The following RIMS2 variants were observed in gnomAD, a reference collection of about 807,000 sequenced individuals.
RIMS2 encodes regulating synaptic membrane exocytosis protein 2.
RIMS2 carries 59 observed loss-of-function variants against 174.4 expected under a neutral mutation model. That is an observed-to-expected ratio of 0.34 (90% CI 0.27 to 0.42). The LOEUF is 0.42. Ranked by LOEUF, RIMS2 falls within the 10% of genes least tolerant of loss-of-function variation. The pLI, the probability that RIMS2 is intolerant of heterozygous loss-of-function variation, is 1.00. For missense variants in RIMS2, 1,620 were observed against 1,666.3 expected, an observed-to-expected ratio of 0.97 and a Z score of 0.48; for synonymous variants, 606 against 572.5, an observed-to-expected ratio of 1.06 and a Z score of -0.84.
chr8:103,602,383 C>T (rs1201886199), intron 1 of RIMS2, among the ~76,000 whole-genome samples: 1 of 151,994 alleles, frequency 6.6e-6, no homozygotes, highest in Non-Finnish European at 1.5e-5. Flanking sequence ...GTTTGTTGTA[C>T]AGATTATTTC....
chr8:103,762,524 C>A (rs570498279), intron 2 of RIMS2, among the ~76,000 whole-genome samples: 3 of 152,278 alleles, frequency 2.0e-5, no homozygotes, highest in Admixed American at 1.3e-4. Context: ...AGCTATTAAT[C>A]ATTTCATAGT....
intron 1 of RIMS2, among the ~76,000 whole-genome samples, chr8:103,665,882 T>C (rs2096662199): frequency 6.6e-6 from 1 of 152,220 alleles, no homozygotes; most frequent in South Asian, 2.1e-4. Flanking sequence ...AAAAATGTTT[T>C]TCTTCTATGA....
intron 2 of RIMS2, among the ~76,000 whole-genome samples, chr8:103,749,532 G>A (rs2097860593): frequency 6.6e-6 from 1 of 151,992 alleles, no homozygotes; most frequent in Admixed American, 6.5e-5. Context: ...GGAGCATGAG[G>A]TGTTTTGATA....
At chr8:103,922,807 G>A in intron 10 of RIMS2, 1 of 216,550 alleles carries the variant, frequency 4.6e-6, no homozygotes, top group East Asian at 1.2e-4. Flanking sequence ...ATTAAAAGGA[G>A]TTATAGGAAG....
intron 19 of RIMS2, among the ~76,000 whole-genome samples, chr8:104,030,415 G>A (rs2096364804): frequency 6.6e-6 from 1 of 152,134 alleles, no homozygotes; most frequent in Non-Finnish European, 1.5e-5. Context: ...AGAAAGACAA[G>A]TTATAAGATA....
exon 3 of RIMS2, chr8:103,766,512 A>G (rs770480422): frequency 2.5e-6 from 4 of 1,613,088 alleles, no homozygotes; most frequent in South Asian, 2.2e-5. Context: ...GAAGCATCAC[A>G]TTGCCAGTGA....
At chr8:104,225,156 C>T (rs780640009) in intron 19 of RIMS2, among the ~76,000 whole-genome samples, 1 of 152,134 alleles carries the variant, frequency 6.6e-6, no homozygotes, top group African/African-American at 2.4e-5. Flanking sequence ...CTACACTTGA[C>T]GTGTATTCTT....
intron 1 of RIMS2, among the ~76,000 whole-genome samples, chr8:103,659,954 A>G (rs1267059129): frequency 2.6e-5 from 4 of 152,314 alleles, no homozygotes; most frequent in African/African-American, 9.6e-5. Flanking sequence ...TTCTCCATTG[A>G]TGTGGGCTCC....
chr8:103,804,355 A>T (rs781596648), intron 3 of RIMS2, among the ~76,000 whole-genome samples: 4 of 152,230 alleles, frequency 2.6e-5, no homozygotes, highest in African/African-American at 9.6e-5. Flanking sequence ...TGGGGATTCT[A>T]CTGAGGGCAC....
At chr8:103,552,307 C>T (rs897348295) in intron 1 of RIMS2, among the ~76,000 whole-genome samples, 2 of 152,012 alleles carry the variant, frequency 1.3e-5, no homozygotes, top group African/African-American at 4.8e-5. Flanking sequence ...CATCTACAAC[C>T]ATCTGATCTT....
At chr8:104,171,529 A>T (rs2098832413) in intron 19 of RIMS2, among the ~76,000 whole-genome samples, 1 of 151,080 alleles carries the variant, frequency 6.6e-6, no homozygotes, top group East Asian at 1.9e-4. Flanking sequence ...TCTCTGGAAA[A>T]TTTTTCATTT....
chr8:104,002,558 G>A (rs185266335), intron 17 of RIMS2, among the ~76,000 whole-genome samples: 172 of 152,276 alleles, frequency 1.1e-3, no homozygotes, highest in Middle Eastern at 3.4e-3. Flanking sequence ...TAAGTATTCA[G>A]TTCTCTAGCC....
At chr8:103,722,337 T>C (rs1418666916) in intron 2 of RIMS2, among the ~76,000 whole-genome samples, 2 of 152,186 alleles carry the variant, frequency 1.3e-5, no homozygotes, top group Non-Finnish European at 2.9e-5. Context: ...TCTATTATTA[T>C]TACATTGTAA....
At position 103,934,952 on chromosome 8, in the gene RIMS2, C is replaced by T. The variant is rs542366211; in HGVS notation, c.2376-1599C>T. On this transcript the variant is annotated intron_variant, in intron 12 of 23. Transcript: ENST00000504942. ...GACCTCGTGATCCACCCGCCTCGGC[C>T]TCCCAAAGTGCTGGGATTACAGGTG... is the stretch of plus-strand genomic sequence containing the variant. 4.6e-5 allele frequency among the ~76,000 whole-genome samples: 7 copies of T among 152,286 alleles called. No individual in the cohort carries two copies. The South Asian group carries it at 1.4e-3, about 32-fold the overall frequency.
At chr8:103,692,289 C>T (rs1413435192) in intron 1 of RIMS2, among the ~76,000 whole-genome samples, 2 of 152,216 alleles carry the variant, frequency 1.3e-5, no homozygotes, top group African/African-American at 4.8e-5. Context: ...TCCTTTTCTT[C>T]AGGATGGTGA....
rs539524469 is a variant in RIMS2 at position 103,607,770 on chromosome 8, C to G, written c.177-89316C>G. On this transcript the variant is annotated intron_variant, in intron 1 of 23. Transcript: ENST00000504942. ...TTCATTTCATCTTCCATTGCTGATA[C>G]CCTTTCTTCCAGTTGATCGCATCGG... Among the ~76,000 whole-genome samples the G allele has an allele frequency of 9.5e-3, 1,295 of 135,798 alleles. 21 individuals carry two copies. Among genetic ancestry groups the G allele is most frequent in the Non-Finnish European group, 0.015 (953 of 63,368 alleles). The allele number at this position is 135,798 out of a possible 152,430, so 89.1% of individuals were successfully genotyped here.
chr8:103,819,126 T>C (rs1228372322), intron 3 of RIMS2: 1 of 751,600 alleles, frequency 1.3e-6, no homozygotes, highest in Admixed American at 5.9e-5. Flanking sequence ...GGCAGCCAGA[T>C]GTGCTAAAAC....
rs186095333 is a variant in RIMS2 at position 103,638,580 on chromosome 8, A to T, written c.177-58506A>T. On this transcript the variant is annotated intron_variant, in intron 1 of 23. Transcript: ENST00000504942. The stretch of plus-strand genomic sequence containing the variant: ...TCCTCAAATAGTTCCAGCTTTGGCC[A>T]TTGGGAACTCTTTCAGGTTGATTTT... Among the ~76,000 whole-genome samples the T allele has an allele frequency of 3.3e-5, 5 of 152,116 alleles. No individual in the cohort carries two copies. The East Asian group carries it at 9.6e-4, about 29-fold the overall frequency.
chr8:103,673,477 C>G (rs550630697), intron 1 of RIMS2, among the ~76,000 whole-genome samples: 1 of 152,316 alleles, frequency 6.6e-6, no homozygotes, highest in South Asian at 2.1e-4. Context: ...AGATTGCACT[C>G]TGTGTGCCTG....
Sources: allele counts gnomAD v4.1 joint callset (sites outside exome capture counted in the v4.1 genomes callset), GRCh38; gene constraint gnomAD v4.1.1; transcripts MANE v1.5; gene names NCBI Gene and HGNC (gene_info 2026-07-23, HGNC 2026-07-21).